Variants in CYRIA observed in about 807,000 individuals in gnomAD.
CYRIA encodes the protein CYFIP related Rac1 interactor A, also known as CYFIP-related Rac1 interactor A.
CYRIA carries 15 observed loss-of-function variants against 43.9 expected under a neutral mutation model. The observed-to-expected ratio is 0.34, with a 90% CI of 0.23 to 0.53. CYRIA has a LOEUF of 0.53. Ranked by LOEUF, CYRIA falls within the 20% of genes least tolerant of loss-of-function variation. The pLI is 0.94. For synonymous variants in CYRIA, 117 were observed against 136.0 expected, an observed-to-expected ratio of 0.86 and a Z score of 0.97; for missense variants, 236 against 394.2, an observed-to-expected ratio of 0.60 and a Z score of 3.40.
chr2:16,637,417 T>A (rs902049360), intron 1 of CYRIA, among the ~76,000 whole-genome samples: 5 of 152,174 alleles, frequency 3.3e-5, no homozygotes, highest in African/African-American at 1.2e-4. Flanking sequence ...ACAGAGATGA[T>A]GTTTTTCTCT....
chr2:16,558,560 T>C (rs918121241), intron 10 of CYRIA, among the ~76,000 whole-genome samples: 6 of 152,164 alleles, frequency 3.9e-5, no homozygotes, highest in Non-Finnish European at 5.9e-5. Context: ...GAATACACTA[T>C]TGGGTTGGTG....
intron 1 of CYRIA, among the ~76,000 whole-genome samples, chr2:16,660,110 A>T (rs1670209045): frequency 6.6e-6 from 1 of 152,122 alleles, no homozygotes; most frequent in African/African-American, 2.4e-5. Context: ...AACCCTGCTA[A>T]CTAAAACGGC....
At chr2:16,608,714 ATGCAG>A (rs1260052778) in intron 2 of CYRIA, among the ~76,000 whole-genome samples, 1 of 152,236 alleles carries the variant, frequency 6.6e-6, no homozygotes, top group East Asian at 1.9e-4. Context: ...AGCATCTGGC[ATGCAG>A]TAGGTCCTAA....
At position 16,624,885 on chromosome 2, in the gene CYRIA, TC is replaced by T. The variant is rs1197012501; in HGVS notation, c.-166-867del. Among the ~76,000 whole-genome samples, 5 of 152,216 alleles carry T rather than the reference TC, an allele frequency of 3.3e-5. No homozygotes were observed. In the South Asian group the frequency reaches 1.0e-3, roughly 31 times the overall value. ...AGTGAGATACCATTAATTCCATTTT[TC>T]CAAAGAGGTAGGAAACCAATCTTTC... On this transcript the variant is annotated intron_variant, in intron 1 of 11. Transcript: ENST00000381323.
intron 3 of CYRIA, among the ~76,000 whole-genome samples, chr2:16,580,873 C>A (rs759561549): frequency 6.6e-6 from 1 of 152,112 alleles, no homozygotes; most frequent in Non-Finnish European, 1.5e-5. Context: ...TTAAAGCAAT[C>A]CACCTGTGCT....
chr2:16,593,686 T>TG (rs1553342254), intron 2 of CYRIA, among the ~76,000 whole-genome samples: 1 of 135,372 alleles, frequency 7.4e-6, no homozygotes, highest in African/African-American at 2.9e-5. Flanking sequence ...CTTTATTTTT[T>TG]TGTGTGTGTG....
intron 1 of CYRIA, among the ~76,000 whole-genome samples, chr2:16,643,195 T>G (rs1669726963): frequency 6.6e-6 from 1 of 152,144 alleles, no homozygotes; most frequent in Admixed American, 6.5e-5. Context: ...TGCCTAGAGC[T>G]ATGCCTGGCA....
intron 2 of CYRIA, among the ~76,000 whole-genome samples, chr2:16,613,501 A>G (rs1002796856): frequency 6.7e-6 from 1 of 149,986 alleles, no homozygotes; most frequent in Non-Finnish European, 1.5e-5. Context: ...TAAGCGCTAC[A>G]TGCAAATGCC....
chr2:16,639,304 T>C (rs572360019), intron 1 of CYRIA, among the ~76,000 whole-genome samples: 12 of 152,360 alleles, frequency 7.9e-5, no homozygotes, highest in African/African-American at 2.9e-4. Context: ...CAATTTTAGA[T>C]AAAAGAATGA....
chr2:16,585,314 C>A (rs1667692046), intron 3 of CYRIA, among the ~76,000 whole-genome samples: 1 of 152,078 alleles, frequency 6.6e-6, no homozygotes, highest in Non-Finnish European at 1.5e-5. Context: ...TGTAGCTCTT[C>A]TAGGAAGCTA....
At position 16,550,811 on chromosome 2, in the gene CYRIA, A is replaced by G. The variant is rs1000167149; in HGVS notation, c.*2125T>C. ...TTAAGCCTTAATCTCCTCACTTGATAGAGGGGGAGAAATTGACCCAATGAT... is the reference window on the plus strand; with the variant it reads ...TTAAGCCTTAATCTCCTCACTTGATGGAGGGGGAGAAATTGACCCAATGAT... On this transcript the variant is annotated 3_prime_UTR_variant, in exon 12 of 12. Coordinates refer to ENST00000381323, the MANE Select transcript of CYRIA (RefSeq NM_030797.4). 5.9e-5 allele frequency: 9 copies of G among 152,110 alleles called. No individual in the cohort carries two copies. Among genetic ancestry groups the G allele is most frequent in the African/African-American group, 2.2e-4 (9 of 41,426 alleles). The allele number at this position is 152,110 out of a possible 1,614,324, so 9.4% of individuals were successfully genotyped here.
rs1666363134 is a variant in CYRIA at position 16,552,881 on chromosome 2, T to C, written c.*55A>G. On this transcript the variant is annotated 3_prime_UTR_variant, in exon 12 of 12. Transcript: ENST00000381323. ...TAACATCAATCTGTATTAAATTATG[T>C]AAACATATACATCTTCTGAGGTCAG... 2.7e-6 allele frequency: 3 copies of C among 1,092,816 alleles called. No homozygotes were observed. In the Admixed American group the frequency reaches 5.1e-5, roughly 19 times the overall value. 67.7% of individuals were successfully genotyped at this position (1,092,816 alleles called of 1,614,324 possible). A position where few individuals can be genotyped will look rare whatever the true frequency, so the allele number is the denominator to read the frequency against.
chr2:16,610,766 C>G (rs1461745448), intron 2 of CYRIA, among the ~76,000 whole-genome samples: 1 of 151,732 alleles, frequency 6.6e-6, no homozygotes, highest in Non-Finnish European at 1.5e-5. Flanking sequence ...TGTATAGGCT[C>G]TGCTTAGTTA....
chr2:16,579,995 T>G (rs752922304), intron 3 of CYRIA, among the ~76,000 whole-genome samples: 13 of 151,974 alleles, frequency 8.6e-5, no homozygotes, highest in Non-Finnish European at 1.9e-4. Context: ...GCATCCAGAC[T>G]GAACTGCAGT....
At position 16,650,115 on chromosome 2, in the gene CYRIA, C is replaced by T. The variant is rs1396909192; in HGVS notation, c.-167+15665G>A. On this transcript the variant is annotated intron_variant, in intron 1 of 11. Coordinates refer to ENST00000381323, the MANE Select transcript of CYRIA (RefSeq NM_030797.4). This position sits in a 1 kb window ranked among gnomAD's most constrained non-coding sequence, Gnocchi z 4.1. ...AGAAGCCAACCTGCAGCCCCTGACA[C>T]GTGGCACAGCAAGACAGTCGTCGCC... 2.6e-5 allele frequency among the ~76,000 whole-genome samples: 4 copies of T among 152,280 alleles called. No homozygotes were observed. The highest frequency in any genetic ancestry group is 1.9e-4 in the East Asian group (1 of 5,182).
At chr2:16,644,080 G>T (rs1030530925) in intron 1 of CYRIA, among the ~76,000 whole-genome samples, 2 of 152,180 alleles carry the variant, frequency 1.3e-5, no homozygotes, top group South Asian at 4.1e-4. Flanking sequence ...CTTCAACTCA[G>T]TCTGGAACTA....
intron 1 of CYRIA, among the ~76,000 whole-genome samples, chr2:16,647,742 C>A (rs984240587): frequency 6.6e-6 from 1 of 152,212 alleles, no homozygotes; most frequent in African/African-American, 2.4e-5. Context: ...CCACATTTTT[C>A]CTTCAGATTC....
At chr2:16,663,851 A>C (rs1475564073) in intron 1 of CYRIA, among the ~76,000 whole-genome samples, 1 of 152,088 alleles carries the variant, frequency 6.6e-6, no homozygotes, top group Non-Finnish European at 1.5e-5. Flanking sequence ...GGGTTTAGGC[A>C]GCTGGACTAA....
chr2:16,642,776 C>T (rs1669712167), intron 1 of CYRIA, among the ~76,000 whole-genome samples: 1 of 152,150 alleles, frequency 6.6e-6, no homozygotes, highest in African/African-American at 2.4e-5. Context: ...ATACATTTCT[C>T]CCAGATATAT....
Sources: allele counts gnomAD v4.1 joint callset (sites outside exome capture counted in the v4.1 genomes callset), GRCh38; gene constraint gnomAD v4.1.1; non-coding constraint Gnocchi (gnomAD v3.1); transcripts MANE v1.5; gene names NCBI Gene and HGNC (gene_info 2026-07-23, HGNC 2026-07-21).